The following PRKAR1A variants were observed in gnomAD, a reference collection of about 807,000 sequenced individuals.
PRKAR1A encodes the protein protein kinase cAMP-dependent type I regulatory subunit alpha, also known as cAMP-dependent protein kinase type I-alpha regulatory subunit.
In PRKAR1A, 3 loss-of-function variants were observed where a neutral mutation model predicts 52.0. The observed-to-expected ratio is 0.06, with a 90% confidence interval of 0.03 to 0.15. PRKAR1A has a LOEUF of 0.15. PRKAR1A is among the 10% of genes least tolerant of loss of function. The pLI, the probability that PRKAR1A is intolerant of heterozygous loss-of-function variation, is 1.00. For synonymous variants in PRKAR1A, 188 were observed against 168.4 expected (o/e 1.12, Z -0.90); for missense variants, 240 against 477.4 (o/e 0.50, Z 4.63).
the PRKAR1A span, among the ~76,000 whole-genome samples, chr17:68,418,707 A>G: frequency 6.6e-6 from 1 of 152,164 alleles, no homozygotes; most frequent in Non-Finnish European, 1.5e-5. Flanking sequence ...CAGTGGAACC[A>G]TCCTAATCTC....
chr17:68,529,743 C>T (rs1200790004), intron 9 of PRKAR1A, among the ~76,000 whole-genome samples, 177 bp from the exon 10 acceptor site: 3 of 152,352 alleles, frequency 2.0e-5, no homozygotes, highest in East Asian at 1.9e-4. Flanking sequence ...CGAAGAACCT[C>T]GCTAGCAGGA....
At chr17:68,526,068 T>G (rs2085781860) in intron 7 of PRKAR1A, among the ~76,000 whole-genome samples, 156 bp downstream of exon 7, 1 of 152,234 alleles carries the variant, frequency 6.6e-6, no homozygotes. Context: ...AGCAAATACT[T>G]TGCATTAAGC....
the PRKAR1A span, among the ~76,000 whole-genome samples, chr17:68,489,402 GTA>G: frequency 0.92 from 61,858 of 67,246 alleles, 29,376 homozygotes; most frequent in South Asian, 0.95. Flanking sequence ...TATATGGAAA[GTA>G]TATATATATA....
chr17:68,525,077 T>A, intron 6 of PRKAR1A, 119 bp downstream of exon 6: 3 of 815,524 alleles, frequency 3.7e-6, no homozygotes, highest in Non-Finnish European at 4.1e-6. Flanking sequence ...CAGATTTTAT[T>A]AATACCTTTT....
the PRKAR1A span, among the ~76,000 whole-genome samples, chr17:68,445,670 G>A: frequency 3.3e-5 from 5 of 152,220 alleles, no homozygotes; most frequent in East Asian, 9.6e-4. Context: ...TCAGCTAAGT[G>A]AAAACAGGCC....
At position 68,541,273 on chromosome 17, in the gene PRKAR1A, C is replaced by T. The variant is rs559888071; in HGVS notation, c.974-9811C>T. The stretch of plus-strand genomic sequence containing the variant: ...CCTCACCTGCTTCCTCGTCCCTCCA[C>T]AGTCCCTCTCACCAAGCCTCTTGGA... On this transcript the variant is annotated intron_variant, in intron 11 of 11. Transcript: ENST00000585981. 8.2e-4 allele frequency: 317 copies of T among 386,910 alleles called. 2 individuals carry two copies. Among genetic ancestry groups the T allele is most frequent in the African/African-American group, 6.1e-3 (294 of 48,296 alleles). 24.0% of individuals were successfully genotyped at this position (386,910 alleles called of 1,614,324 possible).
Position 68,533,233 on chromosome 17 carries a change from AGAT to A in PRKAR1A, c.*2788_*2790del, listed in dbSNP as rs2086024633. On this transcript the variant is annotated 3_prime_UTR_variant, in exon 11 of 11. Transcript: ENST00000589228. ...GATGCTCTTAGATTTCTGAGGAGTG[AGAT>A]GATTAAGTTGTATTCATTAGTGTAT... 4.7e-6 allele frequency: 5 copies of A among 1,060,414 alleles called. No homozygotes were observed. Among genetic ancestry groups the A allele is most frequent in the Non-Finnish European group, 4.6e-6 (4 of 875,078 alleles). The allele number at this position is 1,060,414 out of a possible 1,614,324, so 65.7% of individuals were successfully genotyped here.
the PRKAR1A span, among the ~76,000 whole-genome samples, chr17:68,506,179 C>A: frequency 1.1e-4 from 16 of 152,076 alleles, no homozygotes; most frequent in Non-Finnish European, 1.6e-4. Flanking sequence ...GCCCCTCCCC[C>A]CTACCACAGG....
chr17:68,479,455 A>T, the PRKAR1A span, among the ~76,000 whole-genome samples: 3 of 152,188 alleles, frequency 2.0e-5, no homozygotes, highest in Non-Finnish European at 4.4e-5. Context: ...CGATGCTCAC[A>T]TCTATAGTTT....
chr17:68,482,000 T>G, the PRKAR1A span, among the ~76,000 whole-genome samples: 1 of 152,140 alleles, frequency 6.6e-6, no homozygotes, highest in Non-Finnish European at 1.5e-5. Context: ...TATAATCCAG[T>G]GGGTGGAACC....
At chr17:68,501,555 A>C in the PRKAR1A span, among the ~76,000 whole-genome samples, 1 of 152,212 alleles carries the variant, frequency 6.6e-6, no homozygotes, top group Non-Finnish European at 1.5e-5. Context: ...TCCTGGGCTC[A>C]AGCCATCCTC....
At chr17:68,534,589 AT>A (rs1310414701), downstream of PRKAR1A, among the ~76,000 whole-genome samples, 3 of 48,606 alleles carry the variant, frequency 6.2e-5, no homozygotes, top group Admixed American at 2.0e-4. Flanking sequence ...GCATTTTTGT[AT>A]TTTTTTTGTT....
chr17:68,542,600 G>T, intron 11 of PRKAR1A: 1 of 935,746 alleles, frequency 1.1e-6, no homozygotes, highest in South Asian at 1.3e-5. Context: ...GATAGTGCTA[G>T]CAGCAGGGTG....
the PRKAR1A span, among the ~76,000 whole-genome samples, chr17:68,496,987 C>T: frequency 2.0e-5 from 3 of 151,812 alleles, no homozygotes; most frequent in African/African-American, 7.3e-5. Context: ...CCATGTCTGG[C>T]CCATTTTTGT....
chr17:68,426,244 G>GA, the PRKAR1A span: 18 of 985,622 alleles, frequency 1.8e-5, 1 homozygote, highest in Admixed American at 1.9e-4. Flanking sequence ...CTGGCGGGTG[G>GA]GGAGCGGGGG....
At chr17:68,493,086 C>T in the PRKAR1A span, among the ~76,000 whole-genome samples, 2 of 138,348 alleles carry the variant, frequency 1.4e-5, no homozygotes. Flanking sequence ...GGAATTGCCA[C>T]ATAGACATGT....
At chr17:68,484,479 A>G in the PRKAR1A span, among the ~76,000 whole-genome samples, 1 of 145,594 alleles carries the variant, frequency 6.9e-6, no homozygotes, top group Non-Finnish European at 1.5e-5. Flanking sequence ...TTTGTATTCC[A>G]TCGGGTTTTC....
the PRKAR1A span, among the ~76,000 whole-genome samples, chr17:68,452,041 C>T: frequency 5.3e-5 from 8 of 152,114 alleles, no homozygotes; most frequent in South Asian, 8.3e-4. Context: ...ACTTTTTTTC[C>T]AGGAAACTGA....
chr17:68,521,741 G>A (rs558430472), intron 2 of PRKAR1A, among the ~76,000 whole-genome samples: 1 of 152,308 alleles, frequency 6.6e-6, no homozygotes, highest in African/African-American at 2.4e-5. Flanking sequence ...TCCCTCCCAC[G>A]CCATTGCTTT....
Sources: allele counts gnomAD v4.1 joint callset (sites outside exome capture counted in the v4.1 genomes callset), GRCh38; gene constraint gnomAD v4.1.1; transcripts MANE v1.5; gene names NCBI Gene and HGNC (gene_info 2026-07-23, HGNC 2026-07-21).